The following CFAP46 variants were observed in gnomAD, a reference collection of about 807,000 sequenced individuals.
CFAP46 encodes the protein cilia- and flagella-associated protein 46.
Under a neutral mutation model 325.7 loss-of-function variants are expected in CFAP46, and 245 were observed. The ratio of observed to expected loss-of-function variants is 0.75; its 90% CI spans 0.68 to 0.84. The LOEUF is 0.84. CFAP46 is among the 40% of genes least tolerant of loss of function. CFAP46 has a pLI of 0.00. For synonymous variants in CFAP46, 1,523 were observed against 1,495.9 expected, an observed-to-expected ratio of 1.02 and a Z score of -0.42; for missense variants, 3,346 against 3,543.0, an observed-to-expected ratio of 0.94 and a Z score of 1.41.
chr10:132,851,416 C>T (rs936806090), intron 39 of CFAP46, 111 bp from the exon 40 acceptor site: 20 of 1,005,868 alleles, frequency 2.0e-5, no homozygotes, highest in Admixed American at 2.6e-5. Flanking sequence ...TAACAAACTG[C>T]GCAGATCTAC....
chr10:132,917,358 G>A (rs1255270320), intron 16 of CFAP46, among the ~76,000 whole-genome samples: 1 of 152,252 alleles, frequency 6.6e-6, no homozygotes. Flanking sequence ...ACTTGTGTTG[G>A]TGCAGCGCGG....
chr10:132,860,618 G>C, intron 36 of CFAP46, 95 bp from the exon 37 acceptor site: 8 of 1,197,068 alleles, frequency 6.7e-6, no homozygotes, highest in Non-Finnish European at 8.4e-6. Flanking sequence ...ATACGGGCCT[G>C]AGGACAGGCG....
chr10:132,822,004 GTGTGTGCTGA>G (rs1279549845), intron 50 of CFAP46, among the ~76,000 whole-genome samples: 4 of 137,888 alleles, frequency 2.9e-5, no homozygotes, highest in African/African-American at 5.6e-5. Context: ...TGTGTGTGCT[GTGTGTGCTGA>G]TGTGTGCTGT....
intron 35 of CFAP46, among the ~76,000 whole-genome samples, chr10:132,864,367 TG>T (rs1848774590): frequency 9.9e-6 from 1 of 100,548 alleles, no homozygotes. Context: ...TGCACACACC[TG>T]TCCCCAGTGC....
chr10:132,812,980 C>T, intron 54 of CFAP46, 83 bp from the exon 55 acceptor site: 1 of 1,037,818 alleles, frequency 9.6e-7, no homozygotes, highest in Non-Finnish European at 1.5e-6. Flanking sequence ...CAGGCCACAT[C>T]CTGCGTGGTC....
At position 132,919,596 on chromosome 10, in the gene CFAP46, G is replaced by C. The variant is rs1052007785; in HGVS notation, c.1731-154C>G. ...CCGGCACTCGCGCTGGGTACGGCCTGGCGGGTGCATGTCCCAGGGTCGGGC... is the reference window on the plus strand; with the variant it reads ...CCGGCACTCGCGCTGGGTACGGCCTCGCGGGTGCATGTCCCAGGGTCGGGC... On this transcript the variant is annotated intron_variant, in intron 14 of 57. Transcript: ENST00000368586. This position sits in a 1 kb window ranked among gnomAD's most constrained non-coding sequence, Gnocchi z 9.7. Among the ~76,000 whole-genome samples the C allele has an allele frequency of 6.6e-6, 1 of 152,174 alleles. No homozygotes were observed. The highest frequency in any genetic ancestry group is 2.4e-5 in the African/African-American group (1 of 41,446).
At chr10:132,912,005 C>T (rs1034026125) in intron 19 of CFAP46, among the ~76,000 whole-genome samples, 1 of 152,088 alleles carries the variant, frequency 6.6e-6, no homozygotes, top group African/African-American at 2.4e-5. Flanking sequence ...CCACTGAAGG[C>T]AGTTTGCTCT....
chr10:132,905,632 C>A (rs559779115), intron 22 of CFAP46, among the ~76,000 whole-genome samples: 1 of 152,296 alleles, frequency 6.6e-6, no homozygotes, highest in African/African-American at 2.4e-5. Flanking sequence ...ATTACCTCCA[C>A]GTGGAACGTT....
At chr10:132,896,450 T>C (rs2135463930) in intron 24 of CFAP46, among the ~76,000 whole-genome samples, 1 of 152,380 alleles carries the variant, frequency 6.6e-6, no homozygotes, top group African/African-American at 2.4e-5. Context: ...TATTTTGTTA[T>C]GGCAGCCCAA....
At position 132,872,675 on chromosome 10, in the gene CFAP46, C is replaced by T; in HGVS notation, c.4511+1G>A. The T allele has an allele frequency of 6.4e-7, 1 of 1,550,600 alleles. No individual in the cohort carries two copies. The highest frequency in any genetic ancestry group is 8.7e-7 in the Non-Finnish European group (1 of 1,147,008). ...CACTCCGAAAAAGGAGCTGTACCCA[C>T]CGAAGGTGGTAGAGATCCGACAGGC... is the stretch of plus-strand genomic sequence containing the variant. On this transcript the variant is annotated splice_donor_variant, in intron 32 of 57. Transcript: ENST00000368586. LOFTEE classifies it high-confidence loss of function.
At chr10:132,823,438 G>A (rs1294389724) in intron 50 of CFAP46, among the ~76,000 whole-genome samples, 1 of 142,130 alleles carries the variant, frequency 7.0e-6, no homozygotes, top group Non-Finnish European at 1.5e-5. Context: ...GATGTGTGCT[G>A]TGTGTGCTGA....
At chr10:132,814,662 C>T (rs1221124747) in intron 52 of CFAP46, 24 bp downstream of exon 52, 1 of 1,584,834 alleles carries the variant, frequency 6.3e-7, no homozygotes, top group South Asian at 1.1e-5. Context: ...GTCTGGGGCC[C>T]CCCCGGGGCC....
At chr10:132,824,966 GTGC>G (rs1331515982) in intron 50 of CFAP46, among the ~76,000 whole-genome samples, 1 of 132,368 alleles carries the variant, frequency 7.6e-6, no homozygotes, top group Non-Finnish European at 1.7e-5. Flanking sequence ...TGCTGTGTGA[GTGC>G]TGATGTGTGC....
chr10:132,941,505 T>C, intron 3 of CFAP46, 86 bp downstream of exon 3: 1 of 1,515,700 alleles, frequency 6.6e-7, no homozygotes, highest in Non-Finnish European at 8.9e-7. Context: ...CTAAGAACGA[T>C]TTTAAGCCTG....
intron 22 of CFAP46, among the ~76,000 whole-genome samples, chr10:132,905,888 C>T (rs991377557): frequency 2.0e-5 from 3 of 152,188 alleles, no homozygotes; most frequent in African/African-American, 7.2e-5. Context: ...TGGGGACGCA[C>T]CCCCAGCCCC....
intron 25 of CFAP46, 36 bp from the exon 26 acceptor site, chr10:132,885,995 C>A (rs1849125202): frequency 6.5e-7 from 1 of 1,543,532 alleles, no homozygotes; most frequent in Non-Finnish European, 8.8e-7. Flanking sequence ...TTGGAGCCGC[C>A]TGATCCCTCA....
rs528315735 is a variant in CFAP46, at chr10:132,924,956, G to A, written c.1066-70C>T. The A allele has an allele frequency of 1.3e-4, 166 of 1,269,694 alleles. No individual in the cohort carries two copies. The East Asian group carries it at 1.7e-3, about 13-fold the overall frequency. 78.7% of individuals were successfully genotyped at this position (1,269,694 alleles called of 1,614,324 possible). A position where few individuals can be genotyped will look rare whatever the true frequency, so the allele number is the denominator to read the frequency against. On this transcript the variant is annotated intron_variant, in intron 10 of 57. Coordinates refer to ENST00000368586, the MANE Select transcript of CFAP46 (RefSeq NM_001200049.3). ...GCTGCGGGGCTGGGGCGGCACCTGC[G>A]TGCAGGGCACACTGAGAACGCAGGC...
rs1428234802 is a variant in CFAP46, at chr10:132,889,209, G to C, written c.3304+3124C>G. On this transcript the variant is annotated intron_variant, in intron 25 of 57. Transcript: ENST00000368586. The surrounding 1 kb of genome is among the most constrained non-coding windows in gnomAD (Gnocchi z 6.0). Reference sequence around the variant, plus strand: ...CATGCTATCAGCAGGACCCGCCTCTGGTGCCAGCACCTGGACCACCGAGGC... The same window carrying C: ...CATGCTATCAGCAGGACCCGCCTCTCGTGCCAGCACCTGGACCACCGAGGC... Among the ~76,000 whole-genome samples, 5 of 152,050 alleles carry C rather than the reference G, an allele frequency of 3.3e-5. No individual in the cohort carries two copies.
At chr10:132,825,476 G>T (rs765838919) in intron 50 of CFAP46, among the ~76,000 whole-genome samples, 1 of 152,188 alleles carries the variant, frequency 6.6e-6, no homozygotes, top group Non-Finnish European at 1.5e-5. Flanking sequence ...GCCTGATCAC[G>T]ATAATGTCTT....
Sources: allele counts gnomAD v4.1 joint callset (sites outside exome capture counted in the v4.1 genomes callset), GRCh38; gene constraint gnomAD v4.1.1; non-coding constraint Gnocchi (gnomAD v3.1); transcripts MANE v1.5; gene names NCBI Gene and HGNC (gene_info 2026-07-23, HGNC 2026-07-21).